Variants in ESRRB observed in about 807,000 individuals in gnomAD.
ESRRB encodes the protein estrogen related receptor beta.
Under a neutral mutation model 46.0 loss-of-function variants are expected in ESRRB, and 16 were observed. The ratio of observed to expected loss-of-function variants is 0.35; its 90% CI spans 0.24 to 0.53. ESRRB has a LOEUF of 0.53. Ranked by LOEUF, ESRRB falls within the 20% of genes least tolerant of loss-of-function variation. The pLI, the probability that ESRRB is intolerant of heterozygous loss-of-function variation, is 0.93. For synonymous variants in ESRRB, 246 were observed against 259.6 expected (o/e 0.95, Z 0.50); for missense variants, 488 against 607.4 (o/e 0.80, Z 2.07).
intron 1 of ESRRB, among the ~76,000 whole-genome samples, chr14:76,380,151 A>G (rs1194024206): frequency 2.0e-5 from 3 of 152,114 alleles, no homozygotes; most frequent in Admixed American, 6.5e-5. Context: ...GTTTTTAAAG[A>G]TAATCTAAAC....
chr14:76,463,018 G>T (rs1012070295), intron 3 of ESRRB, among the ~76,000 whole-genome samples: 1 of 152,192 alleles, frequency 6.6e-6, no homozygotes, highest in African/African-American at 2.4e-5. Flanking sequence ...AGGGCTTGGG[G>T]GTGAAAAGGA....
At position 76,444,224 on chromosome 14, in the gene ESRRB, G is replaced by T. The variant is rs575519418; in HGVS notation, c.460+4474G>T. 7.2e-5 allele frequency among the ~76,000 whole-genome samples: 11 copies of T among 152,144 alleles called. No homozygotes were observed. The South Asian group carries it at 1.0e-3, about 14-fold the overall frequency. Reference sequence around the variant, plus strand: ...ATTTTTGTATTTTTAGTAGAGACGGGGTTTCGTCATGTTGGCCAGGCTGGT... The same window carrying T: ...ATTTTTGTATTTTTAGTAGAGACGGTGTTTCGTCATGTTGGCCAGGCTGGT... On this transcript the variant is annotated intron_variant, in intron 2 of 6. Transcript: ENST00000644823.
At chr14:76,429,195 C>A (rs1170231063) in intron 1 of ESRRB, among the ~76,000 whole-genome samples, 1 of 152,118 alleles carries the variant, frequency 6.6e-6, no homozygotes, top group Non-Finnish European at 1.5e-5. Context: ...TCTATTGCCC[C>A]CATCAGCCCC....
At chr14:76,412,135 T>C (rs934784007) in intron 1 of ESRRB, among the ~76,000 whole-genome samples, 30 of 152,234 alleles carry the variant, frequency 2.0e-4, no homozygotes, top group African/African-American at 6.8e-4. Context: ...CATTCTGCTC[T>C]GTGCTGCGGG....
intron 1 of ESRRB, among the ~76,000 whole-genome samples, chr14:76,418,861 C>T (rs1451664888): frequency 6.6e-6 from 1 of 151,968 alleles, no homozygotes; most frequent in Non-Finnish European, 1.5e-5. Context: ...AGTGATCCGC[C>T]CACCTTGGCC....
chr14:76,405,391 T>C (rs1196042936), intron 1 of ESRRB, among the ~76,000 whole-genome samples: 1 of 152,050 alleles, frequency 6.6e-6, no homozygotes, highest in African/African-American at 2.4e-5. Flanking sequence ...GGGTTACAGG[T>C]GTGAGCCACT....
intron 1 of ESRRB, among the ~76,000 whole-genome samples, chr14:76,416,099 T>C (rs1171887075): frequency 2.6e-5 from 4 of 152,026 alleles, no homozygotes; most frequent in Non-Finnish European, 4.4e-5. Flanking sequence ...ATACCCTTTT[T>C]ACATTACATA....
intron 3 of ESRRB, among the ~76,000 whole-genome samples, chr14:76,464,746 T>G (rs1010345481): frequency 1.3e-5 from 2 of 152,194 alleles, no homozygotes; most frequent in Non-Finnish European, 2.9e-5. Context: ...CTGGATAGGA[T>G]GACCCAAACT....
At chr14:76,451,275 T>A (rs1425522431) in intron 2 of ESRRB, among the ~76,000 whole-genome samples, 1 of 152,172 alleles carries the variant, frequency 6.6e-6, no homozygotes, top group Non-Finnish European at 1.5e-5. Context: ...AGGCTTAGAA[T>A]CTCAGCTTCA....
Position 76,380,709 on chromosome 14 carries a change from G to A in ESRRB, c.50+4258G>A, listed in dbSNP as rs377515869. ...CACAGCTCCCCTGGGAGCTTCTGTC[G>A]TAGAGTCTGGTGGCTCTTGACTGAA... On this transcript the variant is annotated intron_variant, in intron 1 of 6. Coordinates refer to ENST00000644823, the MANE Select transcript of ESRRB (RefSeq NM_001379180.1). Among the ~76,000 whole-genome samples, 402 of 152,304 alleles carry A rather than the reference G, an allele frequency of 2.6e-3. 1 individual carries two copies. Among genetic ancestry groups the A allele is most frequent in the African/African-American group, 9.1e-3 (380 of 41,566 alleles).
intron 3 of ESRRB, among the ~76,000 whole-genome samples, chr14:76,481,263 G>C (rs1392949603): frequency 6.6e-6 from 1 of 152,228 alleles, no homozygotes; most frequent in Non-Finnish European, 1.5e-5. Flanking sequence ...TGGTACCAAT[G>C]TGTCTGTCCA....
At chr14:76,316,953 T>G (rs1439340951) in intron 1 of ESRRB, among the ~76,000 whole-genome samples, 1 of 152,204 alleles carries the variant, frequency 6.6e-6, no homozygotes, top group Non-Finnish European at 1.5e-5. Flanking sequence ...GTTCAAACTC[T>G]GTAGGGCCCC....
chr14:76,444,509 C>T lies in ESRRB; in HGVS notation c.460+4759C>T, dbSNP rs74068644. Among the ~76,000 whole-genome samples, 824 of 151,782 alleles carry T rather than the reference C, an allele frequency of 5.4e-3. 11 individuals are homozygous for T. Among genetic ancestry groups the T allele is most frequent in the African/African-American group, 0.019 (769 of 41,414 alleles). ...AGAGGGGGAGCAGGAGAGAAAGGGA[C>T]GTGGTTCTTTCCCTAAGAAGCTGGA... is the stretch of plus-strand genomic sequence containing the variant. On this transcript the variant is annotated intron_variant, in intron 2 of 6. Coordinates refer to ENST00000644823, the MANE Select transcript of ESRRB (RefSeq NM_001379180.1).
Position 76,498,998 on chromosome 14 carries a change from CCA to C in ESRRB, c.*543_*544del. On this transcript the variant is annotated 3_prime_UTR_variant, in exon 7 of 7. Transcript: ENST00000644823. ...GGCCGGTCAAGAGGCCCCATACCTT[CCA>C]CAGTTTCCACTCAGCTTTCAGCCAG... is the stretch of plus-strand genomic sequence containing the variant. The C allele has an allele frequency of 2.7e-6, 1 of 374,384 alleles. No homozygotes were observed. 23.2% of individuals were successfully genotyped at this position (374,384 alleles called of 1,614,324 possible).
chr14:76,327,070 T>C (rs1453503329), intron 1 of ESRRB, among the ~76,000 whole-genome samples: 4 of 152,242 alleles, frequency 2.6e-5, no homozygotes, highest in Non-Finnish European at 4.4e-5. Context: ...GTGTCTCTCT[T>C]GGGGGCCTTC....
rs1884072443 is a variant in ESRRB, at chr14:76,333,155, A to AT, written c.2+22240dup. Among the ~76,000 whole-genome samples the AT allele has an allele frequency of 2.6e-4, 4 of 15,592 alleles. 1 individual carries two copies. Among genetic ancestry groups the AT allele is most frequent in the African/African-American group, 7.8e-4 (4 of 5,128 alleles). 10.2% of individuals were successfully genotyped at this position (15,592 alleles called of 152,430 possible). A position where few individuals can be genotyped will look rare whatever the true frequency, so the allele number is the denominator to read the frequency against. On this transcript the variant is annotated intron_variant, in intron 1 of 6. Transcript: ENST00000512784. Reference sequence around the variant, plus strand: ...ATATATTATATATTATATATTATATATAATATATATTATATATACTATATA... The same window carrying AT: ...ATATATTATATATTATATATTATATATTAATATATATTATATATACTATATA...
At chr14:76,312,471 G>C (rs1444118711) in intron 1 of ESRRB, among the ~76,000 whole-genome samples, 2 of 151,676 alleles carry the variant, frequency 1.3e-5, no homozygotes, top group African/African-American at 4.9e-5. Context: ...GAAATTAGAA[G>C]GCAAACGTCC....
At chr14:76,408,509 T>A (rs1177980599) in intron 1 of ESRRB, among the ~76,000 whole-genome samples, 1 of 149,636 alleles carries the variant, frequency 6.7e-6, no homozygotes, top group Non-Finnish European at 1.5e-5. Flanking sequence ...GGGCGATTGC[T>A]TGAGCCTGGG....
At chr14:76,359,403 A>C (rs1884436525) in intron 1 of ESRRB, among the ~76,000 whole-genome samples, 1 of 152,182 alleles carries the variant, frequency 6.6e-6, no homozygotes, top group South Asian at 2.1e-4. Context: ...AAAAACAATA[A>C]ATAACATTTA....
Sources: allele counts gnomAD v4.1 joint callset (sites outside exome capture counted in the v4.1 genomes callset), GRCh38; gene constraint gnomAD v4.1.1; transcripts MANE v1.5; gene names NCBI Gene and HGNC (gene_info 2026-07-23, HGNC 2026-07-21).